SFT2D1: variants seen among roughly 807,000 people sequenced by gnomAD.
SFT2D1 encodes the protein vesicle transport protein SFT2A.
Under a neutral mutation model 28.1 loss-of-function variants are expected in SFT2D1, and 24 were observed. The observed-to-expected ratio is 0.85, with a 90% CI of 0.62 to 1.20. SFT2D1 has a LOEUF of 1.20. Ranked by LOEUF, SFT2D1 falls within the 50% of genes most tolerant of loss-of-function variation. SFT2D1 has a pLI of 0.00. For missense variants in SFT2D1, 181 were observed against 190.9 expected, an observed-to-expected ratio of 0.95 and a Z score of 0.31; for synonymous variants, 82 against 73.7, an observed-to-expected ratio of 1.11 and a Z score of -0.58.
intron 1 of SFT2D1, among the ~76,000 whole-genome samples, chr6:166,332,763 G>A (rs1778574463): frequency 6.6e-6 from 1 of 152,200 alleles, no homozygotes. Context: ...CCTTGAGGAG[G>A]GGCTGCTCCC....
At chr6:166,326,004 G>A in intron 5 of SFT2D1, 128 bp downstream of exon 5, 1 of 915,374 alleles carries the variant, frequency 1.1e-6, no homozygotes, top group Non-Finnish European at 1.7e-6. Context: ...TCAAATTTTA[G>A]GAACACCTAA....
In SFT2D1 at chr6:166,331,946, G is replaced by A. The variant is rs548894169; in HGVS notation, c.64-1699C>T. Among the ~76,000 whole-genome samples the A allele has an allele frequency of 1.8e-4, 27 of 152,284 alleles. No homozygotes were observed. The South Asian group carries it at 5.4e-3, about 30-fold the overall frequency. On this transcript the variant is annotated intron_variant, in intron 1 of 7. Transcript: ENST00000361731. ...CCCATTGTTCACAAGTTCAATCGCT[G>A]CTTTTCAATAGCCAGTTTTTCTCTC...
chr6:166,320,555 C>CTT (rs34877356), intron 7 of SFT2D1, among the ~76,000 whole-genome samples: 14 of 151,172 alleles, frequency 9.3e-5, no homozygotes, highest in African/African-American at 1.5e-4. Flanking sequence ...TAACTTTTTT[C>CTT]TTTTTTTTTC....
At chr6:166,342,004 T>G (rs1419402810) in intron 1 of SFT2D1, among the ~76,000 whole-genome samples, 2 of 152,112 alleles carry the variant, frequency 1.3e-5, no homozygotes, top group African/African-American at 4.8e-5. Context: ...GACAAACAGA[T>G]GCAACAAGCT....
chr6:166,327,022 G>A (rs1243580679), intron 4 of SFT2D1, among the ~76,000 whole-genome samples: 1 of 152,118 alleles, frequency 6.6e-6, no homozygotes, highest in Non-Finnish European at 1.5e-5. Context: ...TATAAAAGTG[G>A]TAAGAAACTA....
chr6:166,334,031 G>T (rs1303506194), intron 1 of SFT2D1, among the ~76,000 whole-genome samples: 6 of 152,200 alleles, frequency 3.9e-5, no homozygotes. Flanking sequence ...TCAGGGAATT[G>T]ATGCTATTGG....
intron 3 of SFT2D1, 32 bp from the exon 4 acceptor site, chr6:166,328,389 A>G (rs769214169): frequency 7.9e-7 from 1 of 1,265,304 alleles, no homozygotes; most frequent in East Asian, 2.6e-5. Context: ...ACTGAGGTAC[A>G]GGTCTACTAA....
chr6:166,322,865 T>C lies in SFT2D1; in HGVS notation c.432A>G (p.Pro144=), dbSNP rs769875470. 1 of 1,611,490 alleles carries C rather than the reference T, an allele frequency of 6.2e-7. No homozygotes were observed. The highest frequency in any genetic ancestry group is 1.1e-5 in the South Asian group (1 of 90,872). Residue 144 remains proline (P), a synonymous_variant, in exon 7 of 8, where the codon CCA becomes CCG. Transcript: ENST00000361731. ...GATTCAAACAAGCTTACCTTGCATA[T>C]GGGATGTACGACAGGCTATACCTGC... ...SMTWYSLSYI[P]YARDAVIKCC...
intron 1 of SFT2D1, among the ~76,000 whole-genome samples, chr6:166,334,379 G>C (rs896722512): frequency 1.3e-5 from 2 of 152,242 alleles, no homozygotes; most frequent in Admixed American, 6.5e-5. Context: ...CGGATTGCTT[G>C]AACCCAGTTC....
rs1778805129 is a variant in SFT2D1 at position 166,342,462 on chromosome 6, A to C, written c.20T>G (p.Val7Gly). Reference sequence around the variant, plus strand: ...CTCCTCGTCGTCCTGGCCGCTCAGGACTCGCCGCAGCTTCTCCATGGCCCT... The same window carrying C: ...CTCCTCGTCGTCCTGGCCGCTCAGGCCTCGCCGCAGCTTCTCCATGGCCCT... MEKLRR[V>G]LSGQDDEEQG... Residue 7 changes from valine (V) to glycine (G), a missense_variant, in exon 1 of 8, where the codon GTC becomes GGC. By Grantham distance (109) the Val-to-Gly change is moderately radical (BLOSUM62 -3). Coordinates refer to ENST00000361731, the MANE Select transcript of SFT2D1 (RefSeq NM_145169.3). 1 of 1,557,118 alleles carries C rather than the reference A, an allele frequency of 6.4e-7. No individual in the cohort carries two copies. The highest frequency in any genetic ancestry group is 1.4e-5 in the African/African-American group (1 of 73,504).
At position 166,329,579 on chromosome 6, in the gene SFT2D1, A is replaced by G; in HGVS notation, c.161T>C (p.Leu54Ser). Reference sequence around the variant, plus strand: ...CTTTATGCCGCCCGGAAGCCACAGCAATCCAGTTCCCTAAGTTAAGATATT... The same window carrying G: ...CTTTATGCCGCCCGGAAGCCACAGCGATCCAGTTCCCTAAGTTAAGATATT... ...GVFFSILGTG[L>S]LWLPGGIKLF... is the part of the protein sequence containing the mutation. Residue 54 changes from leucine to serine, a missense_variant, in exon 3 of 8, where the codon TTG becomes TCG. Coordinates refer to ENST00000361731, the MANE Select transcript of SFT2D1 (RefSeq NM_145169.3). 1 of 1,605,812 alleles carries G rather than the reference A, an allele frequency of 6.2e-7. No homozygotes were observed. Among genetic ancestry groups the G allele is most frequent in the Non-Finnish European group, 8.5e-7 (1 of 1,174,894 alleles).
chr6:166,333,275 A>G (rs1778584233), intron 1 of SFT2D1, among the ~76,000 whole-genome samples: 1 of 152,096 alleles, frequency 6.6e-6, no homozygotes, highest in South Asian at 2.1e-4. Flanking sequence ...CGCGGGGCCT[A>G]TCCAGATCCT....
chr6:166,320,089 G>T lies in SFT2D1; in HGVS notation c.*128C>A. The T allele has an allele frequency of 2.7e-6, 2 of 741,576 alleles. No homozygotes were observed. Among genetic ancestry groups the T allele is most frequent in the Non-Finnish European group, 2.3e-6 (1 of 441,050 alleles). 45.9% of individuals were successfully genotyped at this position (741,576 alleles called of 1,614,324 possible). A position where few individuals can be genotyped will look rare whatever the true frequency, so the allele number is the denominator to read the frequency against. Reference sequence around the variant, plus strand: ...TGTAGTTTTTACCAGTATACAAAATGAGACTTAGTACAAAACGGTCTTCAA... The same window carrying T: ...TGTAGTTTTTACCAGTATACAAAATTAGACTTAGTACAAAACGGTCTTCAA... On this transcript the variant is annotated 3_prime_UTR_variant, in exon 8 of 8. Coordinates refer to ENST00000361731, the MANE Select transcript of SFT2D1 (RefSeq NM_145169.3).
At chr6:166,334,283 T>C (rs1778605540) in intron 1 of SFT2D1, among the ~76,000 whole-genome samples, 3 of 152,344 alleles carry the variant, frequency 2.0e-5, no homozygotes, top group South Asian at 2.1e-4. Context: ...TAAAAATCTA[T>C]GTGCTGGCTG....
At chr6:166,327,330 A>G (rs1778464312) in intron 4 of SFT2D1, among the ~76,000 whole-genome samples, 1 of 152,192 alleles carries the variant, frequency 6.6e-6, no homozygotes, top group Non-Finnish European at 1.5e-5. Context: ...AATACACAAA[A>G]CGATGATCAG....
At chr6:166,322,944 C>T in intron 6 of SFT2D1, 58 bp from the exon 7 acceptor site, 5 of 1,415,332 alleles carry the variant, frequency 3.5e-6, no homozygotes, top group African/African-American at 1.4e-5. Context: ...TTCCTTTATG[C>T]CAAAAGGCCA....
chr6:166,339,174 C>T, intron 1 of SFT2D1, among the ~76,000 whole-genome samples: 1 of 152,140 alleles, frequency 6.6e-6, no homozygotes. Context: ...TCACCCTCTT[C>T]TCTGATGATC....
At chr6:166,324,852 T>C (rs1487934787) in intron 5 of SFT2D1, among the ~76,000 whole-genome samples, 3 of 152,236 alleles carry the variant, frequency 2.0e-5, no homozygotes, top group Admixed American at 6.5e-5. Context: ...GAAACAATTG[T>C]GCATAGACTG....
chr6:166,337,708 T>C (rs1778684243), intron 1 of SFT2D1, among the ~76,000 whole-genome samples: 1 of 152,244 alleles, frequency 6.6e-6, no homozygotes, highest in Admixed American at 6.5e-5. Flanking sequence ...TTTTCTCTTA[T>C]TACCATCTTC....
Sources: allele counts gnomAD v4.1 joint callset (sites outside exome capture counted in the v4.1 genomes callset), GRCh38; gene constraint gnomAD v4.1.1; transcripts MANE v1.5; gene names NCBI Gene and HGNC (gene_info 2026-07-23, HGNC 2026-07-21).